Variants in GRB2 observed in about 807,000 individuals in gnomAD.
GRB2 encodes growth factor receptor-bound protein 2.
Under a neutral mutation model 27.4 loss-of-function variants are expected in GRB2, and 2 were observed. The observed-to-expected ratio is 0.07, with a 90% CI of 0.03 to 0.23. The LOEUF is 0.23. GRB2 is among the 10% of genes least tolerant of loss of function. The pLI is 1.00. For synonymous variants in GRB2, 94 were observed against 99.6 expected (o/e 0.94, Z 0.33); for missense variants, 102 against 282.4 (o/e 0.36, Z 4.58).
At chr17:75,352,398 G>A (rs1019980535) in intron 2 of GRB2, among the ~76,000 whole-genome samples, 4 of 152,234 alleles carry the variant, frequency 2.6e-5, no homozygotes, top group Middle Eastern at 3.2e-3. Flanking sequence ...ATGATAGGAT[G>A]TATTAACGCA....
chr17:75,350,256 T>C (rs1401379306), intron 2 of GRB2, among the ~76,000 whole-genome samples: 1 of 127,176 alleles, frequency 7.9e-6, no homozygotes, highest in Non-Finnish European at 1.8e-5. Context: ...AAAAAAAGAC[T>C]GAGTAAACAA....
intron 4 of GRB2, among the ~76,000 whole-genome samples, chr17:75,323,567 T>G (rs1331137082): frequency 6.6e-6 from 1 of 152,206 alleles, no homozygotes; most frequent in African/African-American, 2.4e-5. Context: ...TCATGACACC[T>G]GCTTTGCTTC....
intron 2 of GRB2, among the ~76,000 whole-genome samples, chr17:75,358,310 A>G (rs1280133283): frequency 6.6e-6 from 1 of 152,212 alleles, no homozygotes; most frequent in Non-Finnish European, 1.5e-5. Context: ...AAGAATTCAA[A>G]TATTTAACAT....
chr17:75,349,310 C>T (rs2078674135), intron 2 of GRB2, among the ~76,000 whole-genome samples: 1 of 152,090 alleles, frequency 6.6e-6, no homozygotes, highest in Non-Finnish European at 1.5e-5. Context: ...CAAGCAGGGT[C>T]CTCTCTTACA....
intron 4 of GRB2, among the ~76,000 whole-genome samples, chr17:75,323,252 C>T (rs889170683): frequency 7.9e-5 from 12 of 152,042 alleles, no homozygotes; most frequent in Admixed American, 2.0e-4. Flanking sequence ...CAGGTGGCAG[C>T]ACTGAGCCTC....
intron 4 of GRB2, among the ~76,000 whole-genome samples, chr17:75,323,567 T>C (rs1331137082): frequency 1.3e-5 from 2 of 152,206 alleles, no homozygotes; most frequent in African/African-American, 4.8e-5. Flanking sequence ...TCATGACACC[T>C]GCTTTGCTTC....
At chr17:75,364,401 T>C (rs912842163) in intron 2 of GRB2, among the ~76,000 whole-genome samples, 2 of 152,200 alleles carry the variant, frequency 1.3e-5, no homozygotes, top group East Asian at 3.9e-4. Context: ...GGCCATTTCA[T>C]CTTCACAACT....
chr17:75,347,750 C>T (rs1320254648), intron 2 of GRB2, among the ~76,000 whole-genome samples: 1 of 152,200 alleles, frequency 6.6e-6, no homozygotes, highest in African/African-American at 2.4e-5. Flanking sequence ...TGAGCTGGTG[C>T]GCAACCAAGA....
chr17:75,362,981 T>C (rs2078794753), intron 2 of GRB2, among the ~76,000 whole-genome samples: 1 of 152,034 alleles, frequency 6.6e-6, no homozygotes, highest in South Asian at 2.1e-4. Flanking sequence ...CTGCTTGAGG[T>C]GGGTAATAAA....
At chr17:75,368,526 G>GTT (rs1216199577) in intron 2 of GRB2, among the ~76,000 whole-genome samples, 1 of 141,852 alleles carries the variant, frequency 7.0e-6, no homozygotes, top group Non-Finnish European at 1.5e-5. Context: ...TCAGGCGTTT[G>GTT]TTTTTTTTTT....
At chr17:75,378,190 G>A (rs2078906552) in intron 2 of GRB2, among the ~76,000 whole-genome samples, 1 of 152,114 alleles carries the variant, frequency 6.6e-6, no homozygotes, top group Non-Finnish European at 1.5e-5. Context: ...AGGAGTTCGA[G>A]ACCAGCCTGA....
At chr17:75,388,332 A>G (rs1425037729) in intron 2 of GRB2, among the ~76,000 whole-genome samples, 2 of 151,974 alleles carry the variant, frequency 1.3e-5, no homozygotes, top group Non-Finnish European at 2.9e-5. Context: ...CGAACTCCTG[A>G]CCTCAAATGA....
chr17:75,337,901 C>CTACTACTATTAT (rs1375563317), intron 2 of GRB2, among the ~76,000 whole-genome samples: 3 of 117,388 alleles, frequency 2.6e-5, no homozygotes, highest in South Asian at 2.6e-4. Context: ...ACTACTACTA[C>CTACTACTATTAT]TATTATTATT....
intron 1 of GRB2, among the ~76,000 whole-genome samples, chr17:75,403,075 C>CAAAAA (rs59384819): frequency 6.0e-4 from 26 of 43,182 alleles, no homozygotes; most frequent in East Asian, 1.8e-3. Flanking sequence ...GAATCTGTCT[C>CAAAAA]AAAAAAAAAA....
intron 3 of GRB2, among the ~76,000 whole-genome samples, chr17:75,330,485 C>T (rs2078532394): frequency 6.6e-6 from 1 of 152,038 alleles, no homozygotes; most frequent in Non-Finnish European, 1.5e-5. Flanking sequence ...ATCAGCTTGG[C>T]CAACACAGTG....
chr17:75,327,268 T>C (rs764335176), intron 3 of GRB2, among the ~76,000 whole-genome samples: 3 of 151,386 alleles, frequency 2.0e-5, no homozygotes, highest in Non-Finnish European at 4.4e-5. Context: ...TTAGTAAAGA[T>C]GGGGTTTCAC....
intron 2 of GRB2, among the ~76,000 whole-genome samples, chr17:75,390,084 T>G (rs1230237639): frequency 1.3e-5 from 2 of 152,168 alleles, no homozygotes; most frequent in African/African-American, 2.4e-5. Flanking sequence ...GGCCAGGCAG[T>G]GCTGAGACAG....
rs1246074913 is a variant in GRB2, at chr17:75,354,266, G to C, written c.79-21469C>G. Among the ~76,000 whole-genome samples, 183 of 99,226 alleles carry C rather than the reference G, an allele frequency of 1.8e-3. 3 individuals are homozygous for C. Among genetic ancestry groups the C allele is most frequent in the African/African-American group, 4.5e-3 (143 of 31,906 alleles). The allele number at this position is 99,226 out of a possible 152,430, so 65.1% of individuals were successfully genotyped here. A position where few individuals can be genotyped will look rare whatever the true frequency, so the allele number is the denominator to read the frequency against. On this transcript the variant is annotated intron_variant, in intron 2 of 5. Transcript: ENST00000316804. ...AGTTTATTCATGGTCTTTTTTTTTG[G>C]GGGGGGGGGGGAGATGGAGTTTCAC...
rs1555608338 is a variant in GRB2, at chr17:75,324,507, G to GTCTTTTTTTT, written c.299+1390_299+1391insAAAAAAAAGA. ...TTACAGGTGTGAGCCACCGCACCCA[G>GTCTTTTTTTT]TTTTTTTTTTTTTTTTTTTTTTTTT... On this transcript the variant is annotated intron_variant, in intron 4 of 5. Transcript: ENST00000316804. 1.6e-4 allele frequency among the ~76,000 whole-genome samples: 6 copies of GTCTTTTTTTT among 36,700 alleles called. 2 individuals are homozygous for GTCTTTTTTTT. The highest frequency in any genetic ancestry group is 2.3e-3 in the South Asian group (2 of 878). 24.1% of individuals were successfully genotyped at this position (36,700 alleles called of 152,430 possible).
Sources: gnomAD v4.1 joint callset for allele counts (sites outside exome capture counted in the v4.1 genomes callset) on GRCh38, gnomAD v4.1.1 for gene constraint, MANE v1.5 for transcripts, NCBI Gene and HGNC (gene_info 2026-07-23, HGNC 2026-07-21) for gene names.